The following DLG2 variants were observed in gnomAD, a reference collection of about 807,000 sequenced individuals.
The protein encoded by DLG2 is discs large MAGUK scaffold protein 2, also known as disks large homolog 2.
A neutral mutation model predicts 132.5 loss-of-function variants in DLG2; 45 were observed. The observed-to-expected ratio is 0.34, with a 90% CI of 0.27 to 0.44. DLG2 has a LOEUF of 0.44. Ranked by LOEUF, DLG2 falls within the 20% of genes least tolerant of loss-of-function variation. The pLI, the probability that DLG2 is intolerant of heterozygous loss-of-function variation, is 1.00. For synonymous variants in DLG2, 424 were observed against 419.6 expected (o/e 1.01, Z -0.13); for missense variants, 1,045 against 1,196.9 (o/e 0.87, Z 1.87).
intron 6 of DLG2, among the ~76,000 whole-genome samples, chr11:84,819,054 C>T (rs959808552): frequency 2.0e-5 from 3 of 147,156 alleles, no homozygotes; most frequent in Non-Finnish European, 4.5e-5. Context: ...CATACACTGG[C>T]CCACACTCCC....
Position 84,947,013 on chromosome 11 carries a change from C to A in DLG2, c.357+164648G>T, listed in dbSNP as rs113587028. Among the ~76,000 whole-genome samples, 481 of 152,276 alleles carry A rather than the reference C, an allele frequency of 3.2e-3. 4 individuals are homozygous for A. Among genetic ancestry groups the A allele is most frequent in the African/African-American group, 0.01 (434 of 41,542 alleles). Reference sequence around the variant, plus strand: ...TATAGGACAGCACTGATTTCCAATGCCAAGTCCAGCCATCACTTTGCTCTC... The same window carrying A: ...TATAGGACAGCACTGATTTCCAATGACAAGTCCAGCCATCACTTTGCTCTC... On this transcript the variant is annotated intron_variant, in intron 6 of 27. Coordinates refer to ENST00000376104, the MANE Select transcript of DLG2 (RefSeq NM_001142699.3).
chr11:84,331,278 C>A (rs1484563768), intron 7 of DLG2, among the ~76,000 whole-genome samples: 2 of 151,810 alleles, frequency 1.3e-5, no homozygotes, highest in African/African-American at 2.4e-5. Context: ...TCCTGAAAGT[C>A]CCAATGTTAT....
At chr11:84,691,409 A>G (rs577136397) in intron 6 of DLG2, among the ~76,000 whole-genome samples, 3 of 151,922 alleles carry the variant, frequency 2.0e-5, no homozygotes, top group Admixed American at 6.6e-5. Flanking sequence ...TAAACTACCT[A>G]TGAAAATATG....
At chr11:83,681,638 A>G (rs1174603958) in intron 18 of DLG2, among the ~76,000 whole-genome samples, 1 of 152,198 alleles carries the variant, frequency 6.6e-6, no homozygotes, top group Non-Finnish European at 1.5e-5. Context: ...TGAGTTTCAC[A>G]ATAATCGCCA....
intron 3 of DLG2, among the ~76,000 whole-genome samples, chr11:85,485,376 GA>G (rs201410735): frequency 5.3e-4 from 79 of 149,672 alleles, no homozygotes; most frequent in African/African-American, 1.3e-3. Flanking sequence ...TAAACAAATA[GA>G]AAAAAAAAAG....
intron 17 of DLG2, among the ~76,000 whole-genome samples, chr11:83,806,487 C>T (rs969193291): frequency 6.6e-6 from 1 of 152,152 alleles, no homozygotes; most frequent in Admixed American, 6.6e-5. Flanking sequence ...GAAAAACATT[C>T]ATGTTTACCT....
At chr11:83,924,304 C>A (rs11233812) in intron 15 of DLG2, among the ~76,000 whole-genome samples, 10,542 of 152,128 alleles carry the variant, frequency 0.069, 516 homozygotes, top group African/African-American at 0.13. Flanking sequence ...TGCCACTCTG[C>A]AAGGAAAGAA....
chr11:84,398,001 G>A (rs775402731), intron 7 of DLG2, among the ~76,000 whole-genome samples: 4 of 152,134 alleles, frequency 2.6e-5, no homozygotes, highest in Non-Finnish European at 4.4e-5. Context: ...TCTTCATAAT[G>A]CTTTATTTTT....
chr11:83,471,635 A>G lies in DLG2; in HGVS notation c.2437T>C (p.Cys813Arg). The G allele has an allele frequency of 6.2e-7, 1 of 1,612,788 alleles. No homozygotes were observed. The highest frequency in any genetic ancestry group is 8.5e-7 in the Non-Finnish European group (1 of 1,179,080). The change falls in exon 24 of 28, where the codon TGT (cysteine) becomes CGT (arginine). Residue 813 changes from cysteine (C) to arginine (R), a missense_variant. Physicochemically the swap from Cys to Arg is radical, Grantham distance 180 (BLOSUM62 -3). Around this residue, in one of 4 missense-constraint regions of DLG2, gnomAD observed 398 missense variants for 543.6 expected, o/e 0.73. Transcript: ENST00000376104. ...GAAAAATGACACTTACGAGGCACAC[A>G]GGAGCCAAATTTATCAGGGAATTCA... ...ISEFPDKFGS[C>R]VPHTTRPKRD...
intron 17 of DLG2, chr11:83,791,440 T>C (rs2041529852): frequency 5.6e-6 from 4 of 716,472 alleles, no homozygotes; most frequent in South Asian, 1.4e-5. Context: ...ATCTTTACCA[T>C]AGCAGCTACC....
intron 3 of DLG2, among the ~76,000 whole-genome samples, chr11:85,478,968 G>A (rs918461588): frequency 1.3e-5 from 2 of 152,122 alleles, no homozygotes; most frequent in Admixed American, 1.3e-4. Context: ...TCTTTGAGCA[G>A]AAAAACTTTG....
intron 6 of DLG2, among the ~76,000 whole-genome samples, chr11:84,823,783 T>A (rs1187562363): frequency 6.6e-6 from 1 of 151,878 alleles, no homozygotes; most frequent in Non-Finnish European, 1.5e-5. Flanking sequence ...ACATAAGTCA[T>A]TTGAATAGTG....
intron 2 of DLG2, among the ~76,000 whole-genome samples, chr11:85,620,006 G>C (rs2081591443): frequency 6.6e-6 from 1 of 152,206 alleles, no homozygotes; most frequent in Non-Finnish European, 1.5e-5. Flanking sequence ...GCACTTTGCA[G>C]ACAACACGTT....
chr11:83,912,811 T>A (rs959946539), intron 15 of DLG2, among the ~76,000 whole-genome samples: 1 of 152,096 alleles, frequency 6.6e-6, no homozygotes, highest in Non-Finnish European at 1.5e-5. Flanking sequence ...CTCAACTCTA[T>A]GGACTCGAAT....
intron 4 of DLG2, among the ~76,000 whole-genome samples, chr11:85,274,610 T>C (rs1004260910): frequency 5.9e-5 from 9 of 152,240 alleles, no homozygotes; most frequent in African/African-American, 2.2e-4. Flanking sequence ...CACAAGTGAC[T>C]CTCTCTGAAC....
intron 3 of DLG2, among the ~76,000 whole-genome samples, chr11:85,414,087 G>C (rs575072682): frequency 6.6e-6 from 1 of 152,034 alleles, no homozygotes; most frequent in African/African-American, 2.4e-5. Context: ...GCAGTGTTTT[G>C]TAGTTTTCCT....
At chr11:84,727,380 G>C (rs7358525) in intron 6 of DLG2, among the ~76,000 whole-genome samples, 2 of 152,116 alleles carry the variant, frequency 1.3e-5, no homozygotes, top group African/African-American at 2.4e-5. Context: ...GTTTGTGTCA[G>C]GTTTGTCAAA....
At chr11:83,786,929 T>C in intron 17 of DLG2, 137 bp from the exon 18 acceptor site, 2 of 638,408 alleles carry the variant, frequency 3.1e-6, no homozygotes, top group Non-Finnish European at 5.4e-6. Flanking sequence ...ACTCAGGTGT[T>C]TGTGGACTTT....
chr11:85,543,218 T>C (rs1374223094), intron 3 of DLG2, among the ~76,000 whole-genome samples: 1 of 152,214 alleles, frequency 6.6e-6, no homozygotes, highest in Non-Finnish European at 1.5e-5. Context: ...CTCCGACTTA[T>C]GAGTGAGAAC....
Sources: gnomAD v4.1 joint callset for allele counts (sites outside exome capture counted in the v4.1 genomes callset) on GRCh38, gnomAD v4.1.1 for gene constraint, gnomAD v4.1.1 regional missense constraint, MANE v1.5 for transcripts, NCBI Gene and HGNC (gene_info 2026-07-23, HGNC 2026-07-21) for gene names.